Variants in ABCA12 observed in about 807,000 individuals in gnomAD.
ABCA12 encodes the protein glucosylceramide transporter ABCA12.
In ABCA12, 156 loss-of-function variants were observed where a neutral mutation model predicts 293.5. The observed-to-expected ratio is 0.53, with a 90% CI of 0.47 to 0.61. ABCA12 has a LOEUF of 0.61. Ranked by LOEUF, ABCA12 falls within the 20% of genes least tolerant of loss-of-function variation. The pLI is 0.00. For missense variants in ABCA12, 2,797 were observed against 3,090.2 expected (o/e 0.91, Z 2.25); for synonymous variants, 1,063 against 1,108.0 (o/e 0.96, Z 0.81).
intron 3 of ABCA12, among the ~76,000 whole-genome samples, chr2:215,058,140 C>T (rs757858939): frequency 6.6e-6 from 1 of 151,996 alleles, no homozygotes; most frequent in Non-Finnish European, 1.5e-5. Flanking sequence ...CAACCAGAAA[C>T]ATTTTTCCTT....
Position 214,932,458 on chromosome 2 carries a change from C to A in ABCA12, c.*176G>T, listed in dbSNP as rs1698088727. ...TTTCAGTAGCAACAACACTCACTGA[C>A]CTTAGAAGGAAAAATTTCCTTTTAT... On this transcript the variant is annotated 3_prime_UTR_variant, in exon 53 of 53. Coordinates refer to ENST00000272895, the MANE Select transcript of ABCA12 (RefSeq NM_173076.3). The A allele has an allele frequency of 3.2e-6, 2 of 623,592 alleles. No individual in the cohort carries two copies. Among genetic ancestry groups the A allele is most frequent in the South Asian group, 3.8e-5 (2 of 53,218 alleles). The allele number at this position is 623,592 out of a possible 1,614,324, so 38.6% of individuals were successfully genotyped here. A position where few individuals can be genotyped will look rare whatever the true frequency, so the allele number is the denominator to read the frequency against.
chr2:215,043,673 G>GT (rs111957752), intron 7 of ABCA12, among the ~76,000 whole-genome samples: 4 of 151,868 alleles, frequency 2.6e-5, no homozygotes, highest in Middle Eastern at 3.4e-3. Flanking sequence ...AATTAAATGA[G>GT]TTTTTTTTAA....
chr2:214,987,955 A>C (rs1296505343), intron 26 of ABCA12, among the ~76,000 whole-genome samples, 162 bp from the exon 27 acceptor site: 2 of 152,188 alleles, frequency 1.3e-5, no homozygotes, highest in African/African-American at 2.4e-5. Context: ...AAAGCAAAAA[A>C]CGATGCTTTT....
rs146354731 is a variant in ABCA12 at position 215,125,747 on chromosome 2, C to G, written c.69+12393G>C. On this transcript the variant is annotated intron_variant, in intron 1 of 52. Coordinates refer to ENST00000272895, the MANE Select transcript of ABCA12 (RefSeq NM_173076.3). ...CAATCATATCATCAGCAAACAGTGA[C>G]AGTTTGACTTCCTCTTTACTGGTTT... Among the ~76,000 whole-genome samples the G allele has an allele frequency of 5.5e-3, 832 of 152,212 alleles. 18 individuals carry two copies. Among genetic ancestry groups the G allele is most frequent in the African/African-American group, 0.019 (808 of 41,550 alleles).
intron 41 of ABCA12, among the ~76,000 whole-genome samples, 200 bp from the exon 42 acceptor site, chr2:214,956,978 A>G (rs1374963010): frequency 6.6e-6 from 1 of 152,226 alleles, no homozygotes; most frequent in Non-Finnish European, 1.5e-5. Context: ...CTCCTGCAAT[A>G]TGAGGTTAAG....
intron 2 of ABCA12, among the ~76,000 whole-genome samples, chr2:215,079,590 C>T (rs1701897295): frequency 6.6e-6 from 1 of 152,130 alleles, no homozygotes; most frequent in Non-Finnish European, 1.5e-5. Context: ...TTAATGTCTC[C>T]CAGTTCAATT....
At chr2:215,043,758 T>G (rs1007558356) in intron 7 of ABCA12, among the ~76,000 whole-genome samples, 27 of 152,214 alleles carry the variant, frequency 1.8e-4, no homozygotes, top group African/African-American at 6.5e-4. Flanking sequence ...CAAATACACA[T>G]ACATGTAACC....
In ABCA12 at chr2:214,955,168, CT is replaced by C. The variant is rs112262953; in HGVS notation, c.6393+33del. The C allele has an allele frequency of 2.1e-4, 341 of 1,610,066 alleles. 3 individuals are homozygous for C. The African/African-American group carries it at 3.6e-3, about 17-fold the overall frequency. On this transcript the variant is annotated intron_variant, in intron 43 of 52. Coordinates refer to ENST00000272895, the MANE Select transcript of ABCA12 (RefSeq NM_173076.3). ...TCTTTCCACCTGGAACATGTTGAAG[CT>C]TTTGATAAATTCACTGAAATAAGGG... is the stretch of plus-strand genomic sequence containing the variant.
intron 2 of ABCA12, among the ~76,000 whole-genome samples, chr2:215,073,926 C>A (rs564704980): frequency 6.6e-6 from 1 of 152,336 alleles, no homozygotes; most frequent in South Asian, 2.1e-4. Context: ...GGAAACTAAA[C>A]TCTATCTCCC....
At chr2:215,055,806 T>C (rs887609871) in intron 3 of ABCA12, among the ~76,000 whole-genome samples, 2 of 152,078 alleles carry the variant, frequency 1.3e-5, no homozygotes, top group African/African-American at 4.8e-5. Flanking sequence ...TCTTAATATA[T>C]ATTTGAATTA....
intron 1 of ABCA12, among the ~76,000 whole-genome samples, chr2:215,129,323 T>A (rs1454237164): frequency 6.6e-6 from 1 of 152,184 alleles, no homozygotes; most frequent in Non-Finnish European, 1.5e-5. Flanking sequence ...GTGTCTGATC[T>A]CAGGTCTCCA....
intron 7 of ABCA12, among the ~76,000 whole-genome samples, chr2:215,041,918 A>T (rs188036021): frequency 1.3e-5 from 2 of 152,248 alleles, no homozygotes; most frequent in African/African-American, 4.8e-5. Context: ...CACTTAAGCC[A>T]GTCACACAAA....
chr2:214,968,901 T>C, intron 37 of ABCA12, 94 bp from the exon 38 acceptor site: 2 of 1,028,268 alleles, frequency 1.9e-6, no homozygotes, highest in Non-Finnish European at 3.0e-6. Flanking sequence ...ACTTTTTGTT[T>C]CTGTTAGGAA....
At chr2:215,044,877 CT>C (rs558235512) in intron 7 of ABCA12, among the ~76,000 whole-genome samples, 144 of 152,226 alleles carry the variant, frequency 9.5e-4, no homozygotes, top group African/African-American at 3.0e-3. Flanking sequence ...AAAAAGCAAT[CT>C]CTTCTGATGC....
chr2:215,009,443 A>C (rs1440398178), intron 18 of ABCA12, among the ~76,000 whole-genome samples: 3 of 148,556 alleles, frequency 2.0e-5, no homozygotes, highest in Non-Finnish European at 2.9e-5. Flanking sequence ...TGCACTTGTA[A>C]CCCTGAACTT....
rs775549022 is a variant in ABCA12, at chr2:215,054,624, T to A, written c.358A>T (p.Ser120Cys). The change falls in exon 4 of 53, where the codon AGT becomes TGT. Residue 120 changes from serine to cysteine, a missense_variant. Around this residue, in one of 3 missense-constraint regions of ABCA12, gnomAD observed 656 missense variants for 638.2 expected, o/e 1.03. Coordinates refer to ENST00000272895, the MANE Select transcript of ABCA12 (RefSeq NM_173076.3). The part of the protein sequence containing the change: ...RKSSNLDKDS[S>C]LSFQSTQVPE... ...ACTTGGGTGCTCTGGAATGATAAAC[T>A]GCTGTCCTTATCCAGGTTGGATGAC... The A allele has an allele frequency of 3.7e-6, 6 of 1,612,202 alleles. No homozygotes were observed. The highest frequency in any genetic ancestry group is 4.2e-6 in the Non-Finnish European group (5 of 1,178,596).
intron 2 of ABCA12, among the ~76,000 whole-genome samples, chr2:215,073,597 AC>A (rs910997517): frequency 6.6e-6 from 1 of 151,908 alleles, no homozygotes; most frequent in African/African-American, 2.4e-5. Context: ...CTCCCTTTCC[AC>A]AGATCCAGCA....
At chr2:215,131,699 A>ATCGTTTTT (rs1170990427) in intron 1 of ABCA12, among the ~76,000 whole-genome samples, 2 of 38,626 alleles carry the variant, frequency 5.2e-5, no homozygotes, top group African/African-American at 2.0e-4. Flanking sequence ...GATCCTTTCT[A>ATCGTTTTT]TTGTTTTTTT....
In ABCA12 at chr2:215,011,631, G is replaced by T. The variant is rs763481375; in HGVS notation, c.2140C>A (p.Arg714=). The T allele has an allele frequency of 6.2e-7, 1 of 1,613,912 alleles. No individual in the cohort carries two copies. Among genetic ancestry groups the T allele is most frequent in the Non-Finnish European group, 8.5e-7 (1 of 1,179,900 alleles). The change falls in exon 17 of 53, where the codon CGA becomes AGA. Residue 714 remains arginine (R), a synonymous_variant. Coordinates refer to ENST00000272895, the MANE Select transcript of ABCA12 (RefSeq NM_173076.3). ...AATGATCCTTGTGGTGTGTTCATTCGGTTGCTTCTGTACATTGCCTGTGAG... is the reference window on the plus strand; with the variant it reads ...AATGATCCTTGTGGTGTGTTCATTCTGTTGCTTCTGTACATTGCCTGTGAG... ...PLTQAMYRSN[R]MNTPQGSFST...
Sources: gnomAD v4.1 joint callset for allele counts (sites outside exome capture counted in the v4.1 genomes callset) on GRCh38, gnomAD v4.1.1 for gene constraint, gnomAD v4.1.1 regional missense constraint, MANE v1.5 for transcripts, NCBI Gene and HGNC (gene_info 2026-07-23, HGNC 2026-07-21) for gene names.